The following VMP1 variants were observed in gnomAD, a reference collection of about 807,000 sequenced individuals.
VMP1 encodes vacuole membrane protein 1.
VMP1 carries 11 observed loss-of-function variants against 56.0 expected under a neutral mutation model. The observed-to-expected ratio is 0.20, with a 90% CI of 0.12 to 0.32. The LOEUF is 0.32. VMP1 is among the 10% of genes least tolerant of loss of function. The pLI is 1.00. For missense variants in VMP1, 296 were observed against 490.3 expected (o/e 0.60, Z 3.74); for synonymous variants, 149 against 165.0 (o/e 0.90, Z 0.74).
At chr17:59,709,977 C>T (rs1296825374) in intron 1 of VMP1, among the ~76,000 whole-genome samples, 1 of 152,064 alleles carries the variant, frequency 6.6e-6, no homozygotes, top group Non-Finnish European at 1.5e-5. Flanking sequence ...TTGGGCGGAT[C>T]ACGAGGTCAG....
intron 7 of VMP1, among the ~76,000 whole-genome samples, chr17:59,793,547 C>T (rs1272598459): frequency 1.7e-5 from 2 of 116,780 alleles, no homozygotes; most frequent in African/African-American, 2.6e-5. Flanking sequence ...AGGCACCCAC[C>T]TGAGTTTGAG....
chr17:59,762,499 CAT>C (rs1045144407), intron 5 of VMP1, among the ~76,000 whole-genome samples: 194 of 152,198 alleles, frequency 1.3e-3, no homozygotes, highest in African/African-American at 4.0e-3. Context: ...TTCATATAAA[CAT>C]ATTTTTTCAT....
chr17:59,755,675 A>T (rs1216187174), intron 5 of VMP1, among the ~76,000 whole-genome samples: 2 of 152,046 alleles, frequency 1.3e-5, no homozygotes, highest in Non-Finnish European at 2.9e-5. Flanking sequence ...ACTGAAATCC[A>T]CATTAATGCA....
At chr17:59,744,766 A>G (rs889198378) in intron 5 of VMP1, among the ~76,000 whole-genome samples, 16 of 152,046 alleles carry the variant, frequency 1.1e-4, no homozygotes, top group African/African-American at 3.9e-4. Context: ...AGAGAGATCT[A>G]GTATATGCCA....
intron 9 of VMP1, among the ~76,000 whole-genome samples, chr17:59,812,799 C>T (rs1324473952): frequency 2.6e-5 from 4 of 152,076 alleles, no homozygotes; most frequent in Non-Finnish European, 4.4e-5. Context: ...GGCGTGGTGG[C>T]GCACGCTTGT....
intron 1 of VMP1, among the ~76,000 whole-genome samples, chr17:59,717,952 G>A (rs1481344246): frequency 3.3e-5 from 5 of 151,716 alleles, no homozygotes; most frequent in Admixed American, 3.3e-4. Flanking sequence ...TCAGACCCAG[G>A]GCAGTTTATA....
At chr17:59,827,282 G>A (rs1054060872) in intron 10 of VMP1, among the ~76,000 whole-genome samples, 5 of 151,818 alleles carry the variant, frequency 3.3e-5, no homozygotes, top group South Asian at 4.2e-4. Context: ...GAGCCACTGT[G>A]TCCTGCCAAT....
At chr17:59,722,644 T>G (rs779685536) in intron 1 of VMP1, among the ~76,000 whole-genome samples, 6 of 152,146 alleles carry the variant, frequency 3.9e-5, no homozygotes, top group Non-Finnish European at 7.4e-5. Context: ...AGTTGAAGAC[T>G]AGCGTGGCCA....
rs1027163759 is a variant in VMP1, at chr17:59,738,929, C to T, written c.396C>T (p.His132=). ...LSSVGLGTGL[H]TFLLYLGPHI... is the part of the protein sequence containing the mutation. ...CTGTTGGGCTTGGAACAGGGCTGCA[C>T]ACCTTTCTGCTTTATCTGGTAAGAA... is the stretch of plus-strand genomic sequence containing the variant. Residue 132 remains histidine, a synonymous_variant, in exon 5 of 12, where the codon CAC becomes CAT. Transcript: ENST00000262291. The T allele has an allele frequency of 2.9e-5, 47 of 1,604,810 alleles. 1 individual carries two copies. In the Admixed American group the frequency reaches 5.2e-4, roughly 18 times the overall value.
intron 5 of VMP1, among the ~76,000 whole-genome samples, chr17:59,756,124 A>T (rs2035833032): frequency 6.6e-6 from 1 of 152,162 alleles, no homozygotes; most frequent in Non-Finnish European, 1.5e-5. Flanking sequence ...GTCAGTGCCC[A>T]TTGGGAATCG....
At chr17:59,803,134 G>A (rs961679609) in intron 7 of VMP1, among the ~76,000 whole-genome samples, 5 of 152,282 alleles carry the variant, frequency 3.3e-5, no homozygotes, top group South Asian at 4.1e-4. Flanking sequence ...AAGTTACTTC[G>A]TATATTTACA....
intron 1 of VMP1, among the ~76,000 whole-genome samples, chr17:59,713,001 A>G (rs2033989121): frequency 6.6e-6 from 1 of 152,174 alleles, no homozygotes; most frequent in Non-Finnish European, 1.5e-5. Flanking sequence ...TATATTTGGT[A>G]TAGGACTTGG....
At chr17:59,767,126 T>G (rs1436923428) in intron 6 of VMP1, among the ~76,000 whole-genome samples, 3 of 151,980 alleles carry the variant, frequency 2.0e-5, no homozygotes, top group African/African-American at 7.2e-5. Context: ...ATTTGAGGTT[T>G]TTTTTTTTTT....
At chr17:59,717,274 C>T (rs2034199591) in intron 1 of VMP1, among the ~76,000 whole-genome samples, 1 of 152,104 alleles carries the variant, frequency 6.6e-6, no homozygotes, top group African/African-American at 2.4e-5. Context: ...TCGGCCGGTC[C>T]GCCATCTTTT....
chr17:59,807,832 CAAAAAA>C (rs543862899), intron 7 of VMP1, among the ~76,000 whole-genome samples: 201 of 85,654 alleles, frequency 2.3e-3, no homozygotes, highest in Middle Eastern at 5.8e-3. Flanking sequence ...AACTCCGTCT[CAAAAAA>C]AAAAAAAAAA....
intron 5 of VMP1, among the ~76,000 whole-genome samples, chr17:59,746,633 C>T (rs897389171): frequency 6.6e-6 from 1 of 152,036 alleles, no homozygotes; most frequent in Non-Finnish European, 1.5e-5. Flanking sequence ...TTTTGTAAAT[C>T]GATTTGAGTA....
intron 7 of VMP1, among the ~76,000 whole-genome samples, chr17:59,778,678 T>C (rs568232463): frequency 2.4e-4 from 36 of 152,346 alleles, no homozygotes; most frequent in Middle Eastern, 6.8e-3. Flanking sequence ...AGAACCTCCA[T>C]GTATCAGTGT....
At chr17:59,766,234 G>A (rs1294505378) in intron 6 of VMP1, among the ~76,000 whole-genome samples, 1 of 152,058 alleles carries the variant, frequency 6.6e-6, no homozygotes, top group Non-Finnish European at 1.5e-5. Context: ...GCTGGGCCTG[G>A]TGGCCATCCC....
chr17:59,731,630 T>C (rs962794755), intron 2 of VMP1, 108 bp downstream of exon 2: 1 of 767,954 alleles, frequency 1.3e-6, no homozygotes, highest in African/African-American at 1.9e-5. Flanking sequence ...TCTTATATTA[T>C]CTTCTTAGTA....
Sources: allele counts gnomAD v4.1 joint callset (sites outside exome capture counted in the v4.1 genomes callset), GRCh38; gene constraint gnomAD v4.1.1; transcripts MANE v1.5; gene names NCBI Gene and HGNC (gene_info 2026-07-23, HGNC 2026-07-21).